The following CNTNAP5 variants were observed in gnomAD, a reference collection of about 807,000 sequenced individuals.
CNTNAP5 encodes the protein contactin-associated protein-like 5.
CNTNAP5 carries 72 observed loss-of-function variants against 150.2 expected under a neutral mutation model. The observed-to-expected ratio is 0.48, with a 90% CI of 0.40 to 0.58. CNTNAP5 has a LOEUF of 0.58. CNTNAP5 is among the 20% of genes least tolerant of loss of function. The probability of loss-of-function intolerance (pLI) is 0.00; values close to 1 mark genes in which losing one functional copy is unlikely to be tolerated. For synonymous variants in CNTNAP5, 672 were observed against 619.8 expected (o/e 1.08, Z -1.25); for missense variants, 1,636 against 1,626.2 (o/e 1.01, Z -0.10).
At chr2:124,428,299 C>G (rs904602450) in intron 4 of CNTNAP5, among the ~76,000 whole-genome samples, 36 of 152,194 alleles carry the variant, frequency 2.4e-4, no homozygotes, top group African/African-American at 8.2e-4. Flanking sequence ...GTTCAGCGCT[C>G]CCTCAGCACA....
chr2:124,311,351 AC>A (rs1688825640), intron 3 of CNTNAP5, among the ~76,000 whole-genome samples: 1 of 152,074 alleles, frequency 6.6e-6, no homozygotes, highest in South Asian at 2.1e-4. Flanking sequence ...TAGCTTGCAG[AC>A]GGCCGCCTTC....
intron 2 of CNTNAP5, among the ~76,000 whole-genome samples, chr2:124,237,401 A>T (rs1327681805): frequency 6.6e-6 from 1 of 152,170 alleles, no homozygotes; most frequent in Non-Finnish European, 1.5e-5. Context: ...TCTACTGGTT[A>T]TTCTGCTTCA....
rs1320660760 is a variant in CNTNAP5 at position 124,915,592 on chromosome 2, C to CATT, written c.*1305_*1307dup. On this transcript the variant is annotated 3_prime_UTR_variant, in exon 24 of 24. Transcript: ENST00000682447. ...AGCCCTTAGGTTCTGTAGCATACCA[C>CATT]ATTTTCAAATCTGCTATACCCTATA... Among the ~76,000 whole-genome samples the CATT allele has an allele frequency of 1.3e-5, 2 of 152,020 alleles. No homozygotes were observed. Among genetic ancestry groups the CATT allele is most frequent in the African/African-American group, 4.8e-5 (2 of 41,412 alleles).
chr2:124,769,460 C>G (rs1355333694), intron 16 of CNTNAP5, among the ~76,000 whole-genome samples: 2 of 151,738 alleles, frequency 1.3e-5, no homozygotes, highest in Non-Finnish European at 2.9e-5. Context: ...TGAGAGAAGG[C>G]ATTCGTCAGA....
At chr2:124,759,177 G>A (rs956747361) in intron 14 of CNTNAP5, among the ~76,000 whole-genome samples, 14 of 151,806 alleles carry the variant, frequency 9.2e-5, no homozygotes, top group African/African-American at 3.4e-4. Flanking sequence ...AACAGTTGGT[G>A]TGTTCCAGAG....
At chr2:124,215,579 A>C (rs1184605407) in intron 1 of CNTNAP5, among the ~76,000 whole-genome samples, 1 of 152,176 alleles carries the variant, frequency 6.6e-6, no homozygotes, top group Non-Finnish European at 1.5e-5. Flanking sequence ...AATATTAATA[A>C]GGAAATGAAT....
chr2:124,640,461 C>G (rs73952857), intron 12 of CNTNAP5, among the ~76,000 whole-genome samples: 2,021 of 152,228 alleles, frequency 0.013, 45 homozygotes, highest in African/African-American at 0.045. Flanking sequence ...TACCAGCCAC[C>G]CTGAACCGGT....
chr2:124,293,893 C>A (rs1182365475), intron 3 of CNTNAP5, among the ~76,000 whole-genome samples: 1 of 148,360 alleles, frequency 6.7e-6, no homozygotes, highest in Non-Finnish European at 1.5e-5. Flanking sequence ...GAGAGTGGAG[C>A]TGAGTCTGGG....
chr2:124,624,450 T>G (rs1418125811), intron 12 of CNTNAP5, among the ~76,000 whole-genome samples: 2 of 152,246 alleles, frequency 1.3e-5, no homozygotes, highest in Non-Finnish European at 2.9e-5. Context: ...TTCTCATTTA[T>G]GTATTCATTT....
At chr2:124,081,068 T>C (rs1682550106) in intron 1 of CNTNAP5, among the ~76,000 whole-genome samples, 1 of 152,220 alleles carries the variant, frequency 6.6e-6, no homozygotes, top group African/African-American at 2.4e-5. Context: ...TATTTGCTTA[T>C]ATTTTTCTTT....
At chr2:124,698,428 A>C (rs1166721184) in intron 13 of CNTNAP5, among the ~76,000 whole-genome samples, 1 of 148,776 alleles carries the variant, frequency 6.7e-6, no homozygotes, top group African/African-American at 2.5e-5. Context: ...TTATATGTAT[A>C]TATTTAGTTA....
chr2:124,049,335 C>T (rs921352733), intron 1 of CNTNAP5, among the ~76,000 whole-genome samples: 2 of 152,198 alleles, frequency 1.3e-5, no homozygotes, highest in Non-Finnish European at 2.9e-5. Context: ...ACACCGCTTA[C>T]TCACATCCCA....
chr2:124,257,096 A>G (rs1687332742), intron 3 of CNTNAP5, among the ~76,000 whole-genome samples: 1 of 152,182 alleles, frequency 6.6e-6, no homozygotes, highest in Non-Finnish European at 1.5e-5. Flanking sequence ...CTAGGAGAAG[A>G]AAAGGGAAGA....
chr2:124,856,994 T>A (rs2104709843), intron 19 of CNTNAP5, among the ~76,000 whole-genome samples: 1 of 151,654 alleles, frequency 6.6e-6, no homozygotes, highest in African/African-American at 2.4e-5. Flanking sequence ...CTCACAGGAG[T>A]GATACAAAAA....
chr2:124,446,662 C>T, intron 5 of CNTNAP5, 91 bp from the exon 6 acceptor site: 1 of 1,258,778 alleles, frequency 7.9e-7, no homozygotes, highest in Non-Finnish European at 1.1e-6. Context: ...GCCTTTAGAA[C>T]AGATATAGCT....
chr2:124,604,565 T>G (rs1697059117), intron 11 of CNTNAP5, among the ~76,000 whole-genome samples: 1 of 152,216 alleles, frequency 6.6e-6, no homozygotes, highest in South Asian at 2.1e-4. Flanking sequence ...CCAAATAATC[T>G]TGTAGTTTAG....
intron 1 of CNTNAP5, among the ~76,000 whole-genome samples, chr2:124,167,013 AAC>A (rs1684822848): frequency 1.3e-5 from 2 of 152,118 alleles, no homozygotes. Context: ...ATGAATATAA[AAC>A]ACTCTTCATT....
intron 19 of CNTNAP5, among the ~76,000 whole-genome samples, chr2:124,823,140 T>A (rs1682525485): frequency 6.6e-6 from 1 of 152,212 alleles, no homozygotes; most frequent in South Asian, 2.1e-4. Flanking sequence ...ACTTTGTAGC[T>A]GTTCCTGGCA....
At chr2:124,284,920 T>C (rs1239949670) in intron 3 of CNTNAP5, among the ~76,000 whole-genome samples, 1 of 152,072 alleles carries the variant, frequency 6.6e-6, no homozygotes, top group Non-Finnish European at 1.5e-5. Context: ...ACCAGGGAGT[T>C]CACCCAGGGT....
Sources: allele counts gnomAD v4.1 joint callset (sites outside exome capture counted in the v4.1 genomes callset), GRCh38; gene constraint gnomAD v4.1.1; transcripts MANE v1.5; gene names NCBI Gene and HGNC (gene_info 2026-07-23, HGNC 2026-07-21).